ENTREP1: variants seen among roughly 807,000 people sequenced by gnomAD.
ENTREP1 encodes Friedreich ataxia region gene X123.
the ENTREP1 span, chr9:69,385,685 C>G: frequency 6.5e-4 from 911 of 1,405,510 alleles, 6 homozygotes; most frequent in East Asian, 0.018. Flanking sequence ...ATTACCCTTG[C>G]CCTGGCAGGT....
At chr9:69,368,994 C>T in the ENTREP1 span, among the ~76,000 whole-genome samples, 5 of 152,166 alleles carry the variant, frequency 3.3e-5, no homozygotes, top group Admixed American at 2.0e-4. Context: ...ACCCCACCCT[C>T]GGCAGGCCCT....
chr9:69,328,811 TA>T, the ENTREP1 span, among the ~76,000 whole-genome samples: 1 of 152,194 alleles, frequency 6.6e-6, no homozygotes, highest in Non-Finnish European at 1.5e-5. Flanking sequence ...GTTGTGCAAC[TA>T]TCACCACAAT....
At chr9:69,325,187 C>T in the ENTREP1 span, 1 of 1,031,384 alleles carries the variant, frequency 9.7e-7, no homozygotes. Flanking sequence ...ATTTCCTTCC[C>T]TCCCCCTCGG....
the ENTREP1 span, chr9:69,391,704 TCACAC>T: frequency 6.2e-7 from 1 of 1,613,942 alleles, no homozygotes; most frequent in Non-Finnish European, 8.5e-7. Flanking sequence ...CTTCACACCT[TCACAC>T]CAGCGGGGAG....
chr9:69,377,721 G>A, the ENTREP1 span: 46 of 1,613,594 alleles, frequency 2.9e-5, no homozygotes, highest in South Asian at 1.2e-4. Context: ...CGTTTTACTC[G>A]TGCACACCCC....
chr9:69,341,451 G>A, the ENTREP1 span, among the ~76,000 whole-genome samples: 1 of 150,770 alleles, frequency 6.6e-6, no homozygotes, highest in African/African-American at 2.5e-5. Flanking sequence ...CTCATTACCT[G>A]AAGAGACTAC....
At chr9:69,385,397 T>C in the ENTREP1 span, among the ~76,000 whole-genome samples, 1 of 152,196 alleles carries the variant, frequency 6.6e-6, no homozygotes, top group South Asian at 2.1e-4. Context: ...CCACCTCACC[T>C]GTGCTGGTAT....
the ENTREP1 span, among the ~76,000 whole-genome samples, chr9:69,375,286 T>C: frequency 2.0e-5 from 3 of 152,216 alleles, no homozygotes; most frequent in South Asian, 2.1e-4. Flanking sequence ...CTGAGAGAGA[T>C]AGAGCTTTCA....
At chr9:69,324,995 C>T in the ENTREP1 span, 1 of 985,346 alleles carries the variant, frequency 1.0e-6, no homozygotes. Flanking sequence ...GGCGCAGGTT[C>T]GGCGGGGACC....
chr9:69,383,824 C>A, the ENTREP1 span: 2 of 1,597,344 alleles, frequency 1.3e-6, no homozygotes, highest in African/African-American at 1.3e-5. Context: ...CACCGCCCCA[C>A]CCCCTGCCCC....
chr9:69,377,554 C>G, the ENTREP1 span: 51 of 1,612,488 alleles, frequency 3.2e-5, no homozygotes, highest in Non-Finnish European at 4.2e-5. Context: ...TCCACTGCCT[C>G]TCTCCCCGTG....
At chr9:69,334,428 C>T in the ENTREP1 span, among the ~76,000 whole-genome samples, 1 of 152,130 alleles carries the variant, frequency 6.6e-6, no homozygotes, top group Non-Finnish European at 1.5e-5. Flanking sequence ...TTACTCTCAG[C>T]TAGTGAGAAT....
chr9:69,340,691 G>GTGCA, the ENTREP1 span, among the ~76,000 whole-genome samples: 1 of 117,050 alleles, frequency 8.5e-6, no homozygotes, highest in Non-Finnish European at 1.8e-5. Flanking sequence ...GCATGTGTGT[G>GTGCA]TGTATGTGTG....
the ENTREP1 span, among the ~76,000 whole-genome samples, chr9:69,340,815 G>A: frequency 9.1e-4 from 17 of 18,628 alleles, no homozygotes; most frequent in Admixed American, 6.4e-3. Flanking sequence ...GTGTGTGTAT[G>A]TGTGTGTGTG....
chr9:69,379,170 A>T, the ENTREP1 span, among the ~76,000 whole-genome samples: 1 of 152,166 alleles, frequency 6.6e-6, no homozygotes, highest in Non-Finnish European at 1.5e-5. Context: ...TATCAAACTA[A>T]CTTGGTGCTG....
the ENTREP1 span, among the ~76,000 whole-genome samples, chr9:69,331,539 TAGAG>T: frequency 1.3e-5 from 2 of 152,116 alleles, no homozygotes; most frequent in Non-Finnish European, 2.9e-5. Context: ...CATAATAATA[TAGAG>T]ATTGTTTGGT....
chr9:69,362,346 G>C, the ENTREP1 span, among the ~76,000 whole-genome samples: 8 of 152,294 alleles, frequency 5.3e-5, 2 homozygotes, highest in Admixed American at 4.6e-4. Context: ...AGGTGATGTT[G>C]CTTCTTGATA....
the ENTREP1 span, among the ~76,000 whole-genome samples, chr9:69,356,854 T>G: frequency 6.6e-6 from 1 of 152,164 alleles, no homozygotes; most frequent in Non-Finnish European, 1.5e-5. Context: ...AATGAGAACA[T>G]GTTAATGTAG....
At chr9:69,325,525 G>T in the ENTREP1 span, 7 of 1,052,386 alleles carry the variant, frequency 6.7e-6, no homozygotes, top group Non-Finnish European at 8.0e-6. Flanking sequence ...CGCCGCCGGC[G>T]CTCTCCTCCC....
Sources: allele counts gnomAD v4.1 joint callset (sites outside exome capture counted in the v4.1 genomes callset), GRCh38; gene constraint gnomAD v4.1.1; transcripts MANE v1.5; gene names NCBI Gene and HGNC (gene_info 2026-07-23, HGNC 2026-07-21).